The following SORBS2 variants were observed in gnomAD, a reference collection of about 807,000 sequenced individuals.
SORBS2 encodes sorbin and SH3 domain containing 2.
In SORBS2, 46 loss-of-function variants were observed where a neutral mutation model predicts 97.7. That is an observed-to-expected ratio of 0.47 (90% CI 0.37 to 0.60). The LOEUF is 0.60. Among genes scored for constraint, SORBS2 ranks in the 20% least tolerant of loss-of-function variants. The pLI is 0.00. For synonymous variants in SORBS2, 476 were observed against 473.4 expected, an observed-to-expected ratio of 1.01 and a Z score of -0.07; for missense variants, 1,316 against 1,282.3, an observed-to-expected ratio of 1.03 and a Z score of -0.40.
Position 185,943,723 on chromosome 4 carries a change from T to C in SORBS2, c.-338+12473A>G, listed in dbSNP as rs371420290. On this transcript the variant is annotated intron_variant, in intron 1 of 20. Transcript: ENST00000284776. ...TTTAAAAAGAACAATTGAAAAAGAC[T>C]AAAAGTGAAATGGACGTTAGGTTAT... is the stretch of plus-strand genomic sequence containing the variant. Among the ~76,000 whole-genome samples, 8 of 152,286 alleles carry C rather than the reference T, an allele frequency of 5.3e-5. No individual in the cohort carries two copies. The South Asian group carries it at 8.3e-4, about 16-fold the overall frequency.
chr4:185,899,595 C>T (rs746941541), intron 1 of SORBS2, among the ~76,000 whole-genome samples: 1 of 152,076 alleles, frequency 6.6e-6, no homozygotes, highest in Non-Finnish European at 1.5e-5. Context: ...TGAGTTTAAA[C>T]CCACCTAACA....
chr4:185,643,186 A>G (rs889037115), intron 4 of SORBS2, among the ~76,000 whole-genome samples: 1 of 152,246 alleles, frequency 6.6e-6, no homozygotes, highest in Non-Finnish European at 1.5e-5. Context: ...AGTCAGGCAC[A>G]TTCCCTGGGG....
intron 2 of SORBS2, among the ~76,000 whole-genome samples, chr4:185,762,649 T>A (rs1054017313): frequency 3.3e-5 from 5 of 152,228 alleles, no homozygotes; most frequent in Non-Finnish European, 7.3e-5. Flanking sequence ...TCTAAAAGAC[T>A]TGTCTCCACA....
At chr4:185,631,609 A>T (rs1346203471) in intron 4 of SORBS2, among the ~76,000 whole-genome samples, 1 of 152,144 alleles carries the variant, frequency 6.6e-6, no homozygotes, top group East Asian at 1.9e-4. Context: ...CTAAATATGA[A>T]AAACGAGCCA....
chr4:185,879,655 A>C (rs1311768711), intron 1 of SORBS2, among the ~76,000 whole-genome samples: 2 of 151,822 alleles, frequency 1.3e-5, no homozygotes, highest in Admixed American at 1.3e-4. Context: ...AAGTGTTCCT[A>C]TTTCTCCACA....
intron 1 of SORBS2, among the ~76,000 whole-genome samples, chr4:185,887,624 G>T (rs907754117): frequency 2.6e-5 from 4 of 152,120 alleles, no homozygotes; most frequent in Admixed American, 6.6e-5. Context: ...AGCAAAATGA[G>T]CTACTGTAAC....
At chr4:185,954,734 C>G (rs1019866856) in intron 1 of SORBS2, among the ~76,000 whole-genome samples, 1 of 151,990 alleles carries the variant, frequency 6.6e-6, no homozygotes, top group Non-Finnish European at 1.5e-5. Context: ...CTGAGGCAGG[C>G]GGATCACGAG....
intron 1 of SORBS2, among the ~76,000 whole-genome samples, chr4:185,816,648 A>G (rs2099193425): frequency 6.6e-6 from 1 of 152,198 alleles, no homozygotes; most frequent in Admixed American, 6.5e-5. Context: ...TACTAATCAA[A>G]TGCGTTCATA....
intron 13 of SORBS2, 177 bp downstream of exon 25, chr4:185,593,709 T>C (rs536528710): frequency 4.7e-5 from 26 of 555,674 alleles, no homozygotes; most frequent in African/African-American, 4.7e-4. Context: ...TTTTAAAAAT[T>C]AGTTTCTGGT....
At chr4:185,756,274 T>C (rs749006922) in intron 2 of SORBS2, among the ~76,000 whole-genome samples, 2 of 152,218 alleles carry the variant, frequency 1.3e-5, no homozygotes, top group Non-Finnish European at 2.9e-5. Context: ...AATTTAAAGA[T>C]TTTTATAAAT....
intron 1 of SORBS2, among the ~76,000 whole-genome samples, chr4:185,899,032 T>C (rs1402374605): frequency 2.0e-5 from 3 of 152,182 alleles, no homozygotes; most frequent in Admixed American, 1.3e-4. Flanking sequence ...TAAAATCTCT[T>C]CCATGATCAC....
intron 1 of SORBS2, among the ~76,000 whole-genome samples, chr4:185,814,686 GT>G (rs1334236726): frequency 1.3e-5 from 2 of 152,156 alleles, no homozygotes; most frequent in Non-Finnish European, 2.9e-5. Flanking sequence ...AGAACTGGAA[GT>G]CCCCCAGTTT....
intron 2 of SORBS2, among the ~76,000 whole-genome samples, chr4:185,770,539 C>T (rs1035785763): frequency 6.6e-6 from 1 of 152,024 alleles, no homozygotes; most frequent in Non-Finnish European, 1.5e-5. Flanking sequence ...ACATAATATC[C>T]AAATAACTAA....
rs1272708564 is a variant in SORBS2, at chr4:185,731,894, ATATATATATATATATG to A, written c.-198+43317_-198+43332del. Among the ~76,000 whole-genome samples, 227 of 92,066 alleles carry A rather than the reference ATATATATATATATATG, an allele frequency of 2.5e-3. 1 individual carries two copies. Among genetic ancestry groups the A allele is most frequent in the African/African-American group, 7.8e-3 (185 of 23,716 alleles). 60.4% of individuals were successfully genotyped at this position (92,066 alleles called of 152,430 possible). ...TATATATATATATATATATATATAT[ATATATATATATATATG>A]TCTGTTTCTCTGTCTCACTCTAGAT... On this transcript the variant is annotated intron_variant, in intron 2 of 20. Coordinates refer to the SORBS2 transcript ENST00000284776.
rs371956845 is a variant in SORBS2 at position 185,872,371 on chromosome 4, C to T, written c.-338+83825G>A. On this transcript the variant is annotated intron_variant, in intron 1 of 20. Coordinates refer to the SORBS2 transcript ENST00000284776. ...ACCCTGGGCAAACCACACGCATAGCCTTAGCTTCCATTTTCCTCCATCTGT... is the reference window on the plus strand; with the variant it reads ...ACCCTGGGCAAACCACACGCATAGCTTTAGCTTCCATTTTCCTCCATCTGT... Among the ~76,000 whole-genome samples the T allele has an allele frequency of 1.1e-4, 16 of 152,292 alleles. No homozygotes were observed. The East Asian group carries it at 3.1e-3, about 29-fold the overall frequency.
chr4:185,939,737 C>G (rs2099270917), intron 1 of SORBS2, among the ~76,000 whole-genome samples: 1 of 152,066 alleles, frequency 6.6e-6, no homozygotes, highest in Admixed American at 6.5e-5. Context: ...CTCGAACTCC[C>G]AACCTCACGT....
chr4:185,637,590 A>G (rs1000997819), intron 4 of SORBS2, among the ~76,000 whole-genome samples: 8 of 152,232 alleles, frequency 5.3e-5, no homozygotes, highest in Middle Eastern at 3.4e-3. Flanking sequence ...TTTTGTGCAC[A>G]TTACTTAACC....
At chr4:185,741,752 T>TA (rs955504682) in intron 2 of SORBS2, among the ~76,000 whole-genome samples, 2 of 151,786 alleles carry the variant, frequency 1.3e-5, no homozygotes, top group South Asian at 4.2e-4. Context: ...AAAATACATT[T>TA]AAAAAAAAAT....
intron 1 of SORBS2, among the ~76,000 whole-genome samples, chr4:185,926,892 A>G (rs2099263971): frequency 6.6e-6 from 1 of 151,948 alleles, no homozygotes. Flanking sequence ...CCTAATCACA[A>G]ATAAGCAATC....
Sources: allele counts gnomAD v4.1 joint callset (sites outside exome capture counted in the v4.1 genomes callset), GRCh38; gene constraint gnomAD v4.1.1; transcripts MANE v1.5; gene names NCBI Gene and HGNC (gene_info 2026-07-23, HGNC 2026-07-21).